MS4A15: variants seen among roughly 807,000 people sequenced by gnomAD.
MS4A15 encodes the protein membrane-spanning 4-domains subfamily A member 15.
A neutral mutation model predicts 20.6 loss-of-function variants in MS4A15; 22 were observed. The observed-to-expected ratio is 1.07, with a 90% CI of 0.76 to 1.52. The LOEUF is 1.52. Ranked by LOEUF, MS4A15 falls within the 40% of genes most tolerant of loss-of-function variation. The pLI, the probability that MS4A15 is intolerant of heterozygous loss-of-function variation, is 0.00. For missense variants in MS4A15, 312 were observed against 323.0 expected, an observed-to-expected ratio of 0.97 and a Z score of 0.26; for synonymous variants, 129 against 129.3, an observed-to-expected ratio of 1.00 and a Z score of 0.02.
chr11:60,770,542 G>A (rs372223407), intron 3 of MS4A15, among the ~76,000 whole-genome samples: 1 of 150,926 alleles, frequency 6.6e-6, no homozygotes, highest in African/African-American at 2.4e-5. Flanking sequence ...AGGTTGCAGT[G>A]AGCCGAGATC....
At position 60,763,763 on chromosome 11, in the gene MS4A15, G is replaced by T; in HGVS notation, c.30G>T (p.Val10=). 6.2e-7 allele frequency: 1 copy of T among 1,612,128 alleles called. No homozygotes were observed. The highest frequency in any genetic ancestry group is 8.5e-7 in the Non-Finnish European group (1 of 1,179,898). Residue 10 remains valine, a synonymous_variant, in exon 2 of 7, where the codon GTG becomes GTT. Coordinates refer to ENST00000405633, the MANE Select transcript of MS4A15 (RefSeq NM_001098835.2). Reference sequence around the variant, plus strand: ...CTGCAGCTCCCGCCAGCAATGGAGTGTTTGTTGTCATCCCGCCAAACAACG... The same window carrying T: ...CTGCAGCTCCCGCCAGCAATGGAGTTTTTGTTGTCATCCCGCCAAACAACG... The part of the protein sequence containing the change: MSAAPASNG[V]FVVIPPNNAS...
chr11:60,768,305 T>C (rs2134717340), intron 3 of MS4A15, among the ~76,000 whole-genome samples: 1 of 152,214 alleles, frequency 6.6e-6, no homozygotes, highest in African/African-American at 2.4e-5. Context: ...ACCCTCTAGC[T>C]CCCTGAGTTG....
At chr11:60,769,849 C>A (rs146763363) in intron 3 of MS4A15, among the ~76,000 whole-genome samples, 1 of 152,176 alleles carries the variant, frequency 6.6e-6, no homozygotes, top group Non-Finnish European at 1.5e-5. Context: ...ACCCCCATGG[C>A]CACCATGCTG....
intron 1 of MS4A15, among the ~76,000 whole-genome samples, chr11:60,757,587 G>C (rs1303053263): frequency 1.3e-5 from 2 of 152,094 alleles, no homozygotes; most frequent in Admixed American, 6.6e-5. Context: ...CATGAGGACG[G>C]ACCGGAGCCT....
At chr11:60,764,676 C>T (rs1284324468) in intron 2 of MS4A15, among the ~76,000 whole-genome samples, 2 of 152,146 alleles carry the variant, frequency 1.3e-5, no homozygotes, top group East Asian at 1.9e-4. Context: ...TTTGGGAGGC[C>T]GAGGCAGGCA....
chr11:60,769,026 G>A (rs1273623338), intron 3 of MS4A15, among the ~76,000 whole-genome samples: 4 of 152,164 alleles, frequency 2.6e-5, no homozygotes, highest in Non-Finnish European at 5.9e-5. Context: ...TGACCTGAAG[G>A]TGGAGGAAAA....
Position 60,775,808 on chromosome 11 carries a change from C to G in MS4A15, c.*93C>G. On this transcript the variant is annotated 3_prime_UTR_variant, in exon 7 of 7. Transcript: ENST00000405633. ...CACCTTGTTCATCAGGGGCCAGCCC[C>G]ATCCCAGCTGCCCTCCCTCACCACA... 1 of 964,724 alleles carries G rather than the reference C, an allele frequency of 1.0e-6. No homozygotes were observed. Among genetic ancestry groups the G allele is most frequent in the Non-Finnish European group, 1.6e-6 (1 of 640,740 alleles). The allele number at this position is 964,724 out of a possible 1,614,324, so 59.8% of individuals were successfully genotyped here. A position where few individuals can be genotyped will look rare whatever the true frequency, so the allele number is the denominator to read the frequency against.
chr11:60,767,712 T>TC (rs1203444426), intron 3 of MS4A15, 57 bp downstream of exon 3: 36 of 1,465,782 alleles, frequency 2.5e-5, no homozygotes, highest in African/African-American at 7.1e-5. Context: ...GGCTCACCTC[T>TC]CCCCCACGCG....
intron 1 of MS4A15, among the ~76,000 whole-genome samples, chr11:60,761,148 G>A (rs1040837617): frequency 5.3e-5 from 8 of 152,160 alleles, no homozygotes; most frequent in African/African-American, 1.7e-4. Flanking sequence ...CTTCTTGGAC[G>A]AGAGGTCGAT....
chr11:60,763,965 A>T lies in MS4A15; in HGVS notation c.225+7A>T, dbSNP rs771886117. The T allele has an allele frequency of 1.2e-6, 2 of 1,607,716 alleles. No individual in the cohort carries two copies. Among genetic ancestry groups the T allele is most frequent in the Non-Finnish European group, 1.7e-6 (2 of 1,177,588 alleles). ...AGAGCCCAAAGTTTTGGGGGTAAGA[A>T]CAGCCTCTCTGCACAACCTGAGGCA... On this transcript the variant is annotated splice_region_variant and intron_variant, in intron 2 of 6. Transcript: ENST00000405633.
In MS4A15 at chr11:60,767,534, C is replaced by A. The variant is rs1338932482; in HGVS notation, c.227C>A (p.Thr76Lys). The A allele has an allele frequency of 6.6e-7, 1 of 1,520,650 alleles. No individual in the cohort carries two copies. Among genetic ancestry groups the A allele is most frequent in the Admixed American group, 2.1e-5 (1 of 47,576 alleles). 94.2% of individuals were successfully genotyped at this position (1,520,650 alleles called of 1,614,324 possible). A position where few individuals can be genotyped will look rare whatever the true frequency, so the allele number is the denominator to read the frequency against. Reference protein sequence around the residue: ...FLTGEPKVLGTVQILIGLIHL... With the variant: ...FLTGEPKVLGKVQILIGLIHL... ...ACTGAGCCTCGGGGCTTCCCGCAGA[C>A]GGTGCAGATCCTCATCGGCCTCATC... Residue 76 changes from threonine to lysine, a missense_variant and splice_region_variant, in exon 3 of 7, where the codon ACG (threonine) becomes AAG (lysine). By Grantham distance (78) the Thr-to-Lys change is moderately conservative. Coordinates refer to ENST00000405633, the MANE Select transcript of MS4A15 (RefSeq NM_001098835.2).
intron 5 of MS4A15, 125 bp downstream of exon 5, chr11:60,773,609 C>A: frequency 1.2e-6 from 1 of 853,496 alleles, no homozygotes; most frequent in South Asian, 1.5e-5. Flanking sequence ...CCCTATAGAC[C>A]CCATGAATCC....
At chr11:60,772,715 G>A (rs1854072954) in intron 4 of MS4A15, among the ~76,000 whole-genome samples, 1 of 152,136 alleles carries the variant, frequency 6.6e-6, no homozygotes, top group Non-Finnish European at 1.5e-5. Context: ...TCCAGCTACG[G>A]GTCACGAGAC....
In MS4A15 at chr11:60,758,135, G is replaced by A. The variant is rs7940803; in HGVS notation, c.-29+1077G>A. Reference sequence around the variant, plus strand: ...CATGCAGCAGTCCTTGCAAAATTTGGATAATAATATCCCGATACAACTTGA... The same window carrying A: ...CATGCAGCAGTCCTTGCAAAATTTGAATAATAATATCCCGATACAACTTGA... On this transcript the variant is annotated intron_variant, in intron 1 of 6. Coordinates refer to ENST00000405633, the MANE Select transcript of MS4A15 (RefSeq NM_001098835.2). Among the ~76,000 whole-genome samples the A allele has an allele frequency of 4.6e-3, 706 of 152,218 alleles. 5 individuals carry two copies. Among genetic ancestry groups the A allele is most frequent in the African/African-American group, 0.015 (643 of 41,522 alleles).
At chr11:60,773,536 C>A in intron 5 of MS4A15, 52 bp downstream of exon 5, 1 of 1,533,894 alleles carries the variant, frequency 6.5e-7, no homozygotes, top group South Asian at 1.1e-5. Context: ...ATGATGCAGC[C>A]ATGTCCAGGA....
rs575155183 is a variant in MS4A15, at chr11:60,774,783, C to T, written c.613-822C>T. 2.4e-4 allele frequency among the ~76,000 whole-genome samples: 37 copies of T among 152,326 alleles called. 1 individual carries two copies. Among genetic ancestry groups the T allele is most frequent in the African/African-American group, 8.9e-4 (37 of 41,570 alleles). ...GCTGCCTCGGGCAGGCAAATGCAGG[C>T]CACAGGGTGGGGTGCCCTTGGCAGG... On this transcript the variant is annotated intron_variant, in intron 6 of 6. Coordinates refer to ENST00000405633, the MANE Select transcript of MS4A15 (RefSeq NM_001098835.2).
chr11:60,766,026 C>T (rs1330232734), intron 2 of MS4A15, among the ~76,000 whole-genome samples: 3 of 152,200 alleles, frequency 2.0e-5, no homozygotes, highest in East Asian at 1.9e-4. Context: ...TGGGACACTT[C>T]GGGCAAGTTA....
chr11:60,768,119 G>A (rs964770778), intron 3 of MS4A15, among the ~76,000 whole-genome samples: 7 of 152,158 alleles, frequency 4.6e-5, no homozygotes, highest in African/African-American at 1.4e-4. Context: ...CTTTAACCCG[G>A]GAGGCGGAGG....
intron 1 of MS4A15, among the ~76,000 whole-genome samples, chr11:60,762,207 CA>C (rs1179360382): frequency 6.6e-6 from 1 of 152,194 alleles, no homozygotes; most frequent in East Asian, 1.9e-4. Flanking sequence ...CCATAAATTT[CA>C]AAAACAGGTA....
Sources: gnomAD v4.1 joint callset for allele counts (sites outside exome capture counted in the v4.1 genomes callset) on GRCh38, gnomAD v4.1.1 for gene constraint, MANE v1.5 for transcripts, NCBI Gene and HGNC (gene_info 2026-07-23, HGNC 2026-07-21) for gene names.